Variants in PRKD2 observed in about 807,000 individuals in gnomAD.
PRKD2 encodes protein kinase D2, also known as serine/threonine-protein kinase D2.
Under a neutral mutation model 86.0 loss-of-function variants are expected in PRKD2, and 22 were observed. That is an observed-to-expected ratio of 0.26 (90% CI 0.18 to 0.37). The LOEUF is 0.37. Among genes scored for constraint, PRKD2 ranks in the 10% least tolerant of loss-of-function variants. The pLI is 1.00. For missense variants in PRKD2, 818 were observed against 1,199.2 expected (o/e 0.68, Z 4.70); for synonymous variants, 509 against 510.9 (o/e 1.00, Z 0.05).
rs760124538 is a variant in PRKD2 at position 46,674,698 on chromosome 19, C to T, written c.2462G>A (p.Gly821Glu). The change falls in exon 18 of 18, where the codon GGG becomes GAG. Residue 821 changes from glycine to glutamate, a missense_variant. Gly to Glu is a moderately conservative substitution (Grantham distance 98, BLOSUM62 -2). Around this residue, in one of 5 missense-constraint regions of PRKD2, gnomAD observed 132 missense variants for 146.2 expected, o/e 0.90. Transcript: ENST00000291281. Reference sequence around the variant, plus strand: ...CGTGATGTATCGCTCTCCCATCTTCCCCTCCAGCTCTCGGAGGTCCAGCCA... The same window carrying T: ...CGTGATGTATCGCTCTCCCATCTTCTCCTCCAGCTCTCGGAGGTCCAGCCA... ...QTWLDLRELE[G>E]KMGERYITHE... 2 of 1,605,862 alleles carry T rather than the reference C, an allele frequency of 1.2e-6. No individual in the cohort carries two copies. Among genetic ancestry groups the T allele is most frequent in the Non-Finnish European group, 8.5e-7 (1 of 1,179,972 alleles).
intron 1 of PRKD2, 113 bp from the exon 2 acceptor site, chr19:46,714,114 A>AC (rs2053849201): frequency 6.9e-6 from 10 of 1,443,838 alleles, no homozygotes; most frequent in Non-Finnish European, 7.3e-6. Flanking sequence ...AAACGCAGAG[A>AC]CCCCGCAGGC....
intron 9 of PRKD2, among the ~76,000 whole-genome samples, chr19:46,695,986 C>T (rs1473000240): frequency 6.6e-6 from 1 of 152,010 alleles, no homozygotes; most frequent in East Asian, 1.9e-4. Flanking sequence ...TTATAGGCAC[C>T]CGCCACCATG....
At chr19:46,677,881 C>G (rs1599807557) in intron 16 of PRKD2, among the ~76,000 whole-genome samples, 1 of 152,208 alleles carries the variant, frequency 6.6e-6, no homozygotes, top group East Asian at 1.9e-4. Context: ...CCCCAGGCTT[C>G]AGGCCCATCT....
chr19:46,681,432 A>AT (rs2053305477), intron 15 of PRKD2, among the ~76,000 whole-genome samples: 2 of 148,192 alleles, frequency 1.3e-5, no homozygotes, highest in African/African-American at 5.0e-5. Context: ...TTTTTTTTTC[A>AT]TTTTTTGTAT....
chr19:46,697,277 C>T, intron 8 of PRKD2, 43 bp from the exon 9 acceptor site: 8 of 1,444,692 alleles, frequency 5.5e-6, no homozygotes, highest in Non-Finnish European at 7.7e-6. Flanking sequence ...CCAGACTTTC[C>T]TGCCCAGTCC....
chr19:46,686,545 A>G (rs2122621882), intron 14 of PRKD2, among the ~76,000 whole-genome samples: 1 of 151,534 alleles, frequency 6.6e-6, no homozygotes, highest in East Asian at 1.9e-4. Context: ...CAGTTAACTC[A>G]GGAGGCTGAG....
chr19:46,684,986 T>C (rs1378058737), intron 14 of PRKD2, among the ~76,000 whole-genome samples: 1 of 108,802 alleles, frequency 9.2e-6, no homozygotes, highest in Non-Finnish European at 1.9e-5. Context: ...ATTGGCCGGA[T>C]ATGGTGGCTC....
chr19:46,690,192 C>G (rs1405573983), intron 13 of PRKD2, among the ~76,000 whole-genome samples: 1 of 151,908 alleles, frequency 6.6e-6, no homozygotes, highest in African/African-American at 2.4e-5. Context: ...TGGCCTAACC[C>G]CTCTCTCCCA....
At chr19:46,685,494 G>T (rs1295828302) in intron 14 of PRKD2, 2 of 152,396 alleles carry the variant, frequency 1.3e-5, no homozygotes, top group Non-Finnish European at 2.9e-5. Flanking sequence ...TTAGGTGTGG[G>T]GCAGGCAAGA....
In PRKD2 at chr19:46,704,585, G is replaced by A. The variant is rs1599836631; in HGVS notation, c.576C>T (p.Arg192=). ...FSIPNNCSGA[R]KRRLSSTSLA... The stretch of plus-strand genomic sequence containing the variant: ...GAGACGTGGATGACAGGCGCCGTTT[G>A]CGGGCCCCACTACAGTTGTTGGGGA... The change falls in exon 4 of 18, where the codon CGC becomes CGT. Residue 192 remains arginine (R), a synonymous_variant. Coordinates refer to ENST00000291281, the MANE Select transcript of PRKD2 (RefSeq NM_016457.5). 17 of 1,614,062 alleles carry A rather than the reference G, an allele frequency of 1.1e-5. No individual in the cohort carries two copies. The highest frequency in any genetic ancestry group is 1.4e-5 in the Non-Finnish European group (17 of 1,179,984).
In PRKD2 at chr19:46,693,792, C is replaced by T; in HGVS notation, c.1576+83G>A. ...TCTCAACCCCACCATTGCCCACTTT[C>T]CTCTTTGGCCCTTCCATTCCCCAGA... On this transcript the variant is annotated intron_variant, in intron 10 of 17. Transcript: ENST00000291281. The surrounding 1 kb of genome is among the most constrained non-coding windows in gnomAD (Gnocchi z 4.5). The T allele has an allele frequency of 6.7e-7, 1 of 1,501,156 alleles. No individual in the cohort carries two copies. Among genetic ancestry groups the T allele is most frequent in the Non-Finnish European group, 8.9e-7 (1 of 1,128,092 alleles). The allele number at this position is 1,501,156 out of a possible 1,614,324, so 93.0% of individuals were successfully genotyped here.
At chr19:46,691,343 C>A (rs2053480938) in intron 12 of PRKD2, among the ~76,000 whole-genome samples, 1 of 152,010 alleles carries the variant, frequency 6.6e-6, no homozygotes, top group Non-Finnish European at 1.5e-5. Flanking sequence ...GCAGAATCTA[C>A]CCTCTTTTCC....
At chr19:46,676,930 G>A (rs1334965279) in intron 16 of PRKD2, among the ~76,000 whole-genome samples, 1 of 151,954 alleles carries the variant, frequency 6.6e-6, no homozygotes, top group Non-Finnish European at 1.5e-5. Flanking sequence ...GCATGGTGCT[G>A]TGTGCCTGTA....
In PRKD2 at chr19:46,691,683, C is replaced by A. The variant is rs1345570114; in HGVS notation, c.1702+52G>T. 2.6e-6 allele frequency: 4 copies of A among 1,562,966 alleles called. No individual in the cohort carries two copies. In the Admixed American group the frequency reaches 5.0e-5, roughly 20 times the overall value. On this transcript the variant is annotated intron_variant, in intron 12 of 17. Coordinates refer to ENST00000291281, the MANE Select transcript of PRKD2 (RefSeq NM_016457.5). Reference sequence around the variant, plus strand: ...CAGAAAGAAAGGGCTGGAGCCACAGCAGCTTCCCCCAGCCCGGGGCTCCCT... The same window carrying A: ...CAGAAAGAAAGGGCTGGAGCCACAGAAGCTTCCCCCAGCCCGGGGCTCCCT...
In PRKD2 at chr19:46,675,200, C is replaced by T. The variant is rs1353340574; in HGVS notation, c.2339-82G>A. The T allele has an allele frequency of 2.0e-5, 24 of 1,171,618 alleles. No individual in the cohort carries two copies. The East Asian group carries it at 6.1e-4, about 30-fold the overall frequency. 72.6% of individuals were successfully genotyped at this position (1,171,618 alleles called of 1,614,324 possible). Reference sequence around the variant, plus strand: ...AATAGGCACCCCCTAGCCTACCTGCCTGCCATCAACACCTTCCTTCTGCAC... The same window carrying T: ...AATAGGCACCCCCTAGCCTACCTGCTTGCCATCAACACCTTCCTTCTGCAC... On this transcript the variant is annotated intron_variant, in intron 16 of 17. Coordinates refer to ENST00000291281, the MANE Select transcript of PRKD2 (RefSeq NM_016457.5).
At chr19:46,680,946 A>ATATATATATATATATATATATTTATTTT in intron 15 of PRKD2, among the ~76,000 whole-genome samples, 1 of 48,258 alleles carries the variant, frequency 2.1e-5, no homozygotes, top group Non-Finnish European at 4.0e-5. Flanking sequence ...ATATATATAT[A>ATATATATATATATATATATATTTATTTT]TTTTTTTTTT....
chr19:46,706,230 T>G (rs1390018300), intron 3 of PRKD2, among the ~76,000 whole-genome samples: 1 of 152,184 alleles, frequency 6.6e-6, no homozygotes, highest in Non-Finnish European at 1.5e-5. Context: ...CCACTGGACG[T>G]TCTGTATGTG....
At position 46,674,975 on chromosome 19, in the gene PRKD2, T is replaced by C. The variant is rs1348009298; in HGVS notation, c.2424+58A>G. On this transcript the variant is annotated intron_variant, in intron 17 of 17. Coordinates refer to ENST00000291281, the MANE Select transcript of PRKD2 (RefSeq NM_016457.5). ...CACAACCTGCCTAGCCAATAAGCGA[T>C]CTACTCCCACCCCTTCCTCCAATCC... is the stretch of plus-strand genomic sequence containing the variant. The C allele has an allele frequency of 3.0e-5, 44 of 1,480,892 alleles. No homozygotes were observed. The Middle Eastern group carries it at 6.0e-4, about 20-fold the overall frequency. The allele number at this position is 1,480,892 out of a possible 1,614,324, so 91.7% of individuals were successfully genotyped here.
chr19:46,707,525 G>A lies in PRKD2; in HGVS notation c.512-2876C>T, dbSNP rs143274814. On this transcript the variant is annotated intron_variant, in intron 3 of 17. Transcript: ENST00000291281. ...GAATTGCTTGAACCCAGGAGGTAGAGGTTGCAGTGAGCCAAGACCACGCCA... is the reference window on the plus strand; with the variant it reads ...GAATTGCTTGAACCCAGGAGGTAGAAGTTGCAGTGAGCCAAGACCACGCCA... 7.1e-3 allele frequency among the ~76,000 whole-genome samples: 1,082 copies of A among 152,262 alleles called. 16 individuals carry two copies. The highest frequency in any genetic ancestry group is 0.024 in the African/African-American group (1,013 of 41,564).
Sources: gnomAD v4.1 joint callset for allele counts (sites outside exome capture counted in the v4.1 genomes callset) on GRCh38, gnomAD v4.1.1 for gene constraint, gnomAD v4.1.1 regional missense constraint, Gnocchi (gnomAD v3.1) non-coding constraint, MANE v1.5 for transcripts, NCBI Gene and HGNC (gene_info 2026-07-23, HGNC 2026-07-21) for gene names.